The following GALNTL6 variants were observed in gnomAD, a reference collection of about 807,000 sequenced individuals.
The protein encoded by GALNTL6 is polypeptide N-acetylgalactosaminyltransferase like 6, also known as polypeptide N-acetylgalactosaminyltransferase-like 6.
In GALNTL6, 46 loss-of-function variants were observed where a neutral mutation model predicts 73.7. The ratio of observed to expected loss-of-function variants is 0.62; its 90% CI spans 0.49 to 0.80. GALNTL6 has a LOEUF of 0.80. GALNTL6 is among the 30% of genes least tolerant of loss of function. GALNTL6 has a pLI of 0.00. For missense variants in GALNTL6, 604 were observed against 755.0 expected (o/e 0.80, Z 2.34); for synonymous variants, 259 against 263.7 (o/e 0.98, Z 0.17).
chr4:172,872,497 A>T (rs1389750964), intron 7 of GALNTL6, among the ~76,000 whole-genome samples: 1 of 152,232 alleles, frequency 6.6e-6, no homozygotes, highest in East Asian at 1.9e-4. Context: ...ACCTTCTCCT[A>T]AAAATGCAAA....
At chr4:172,805,962 T>C (rs998802885) in intron 5 of GALNTL6, among the ~76,000 whole-genome samples, 3 of 152,092 alleles carry the variant, frequency 2.0e-5, no homozygotes, top group Admixed American at 2.0e-4. Context: ...TGTTCAAAAT[T>C]CTCCATAATA....
At chr4:172,255,129 C>T (rs1313671144) in intron 3 of GALNTL6, among the ~76,000 whole-genome samples, 1 of 151,494 alleles carries the variant, frequency 6.6e-6, no homozygotes, top group African/African-American at 2.4e-5. Flanking sequence ...TCATTTTTCC[C>T]AGACAGTTGG....
chr4:172,018,328 G>A (rs927662996), intron 2 of GALNTL6, among the ~76,000 whole-genome samples: 1 of 152,090 alleles, frequency 6.6e-6, no homozygotes, highest in African/African-American at 2.4e-5. Context: ...GAAATATCAG[G>A]TAGGGGCAGG....
intron 5 of GALNTL6, among the ~76,000 whole-genome samples, chr4:172,568,801 G>A (rs1380168400): frequency 6.8e-6 from 1 of 146,860 alleles, no homozygotes; most frequent in African/African-American, 2.5e-5. Context: ...GAACATCTAC[G>A]TCAAGCTTGT....
intron 2 of GALNTL6, among the ~76,000 whole-genome samples, chr4:171,999,743 C>G (rs1158236043): frequency 8.9e-6 from 1 of 112,626 alleles, no homozygotes; most frequent in Non-Finnish European, 1.9e-5. Context: ...ATGACAGATT[C>G]TTACAACTCT....
chr4:172,676,166 T>A (rs1442244082), intron 5 of GALNTL6, among the ~76,000 whole-genome samples: 2 of 152,346 alleles, frequency 1.3e-5, no homozygotes, highest in South Asian at 4.1e-4. Context: ...TACTTAGCCA[T>A]GTAAAGTATT....
At chr4:172,196,006 GTT>G (rs147919669) in intron 2 of GALNTL6, among the ~76,000 whole-genome samples, 4,490 of 127,188 alleles carry the variant, frequency 0.035, 113 homozygotes, top group African/African-American at 0.069. Flanking sequence ...CAGGAGCTGG[GTT>G]TTTTTTTTTT....
At chr4:172,852,582 G>C (rs879575182) in intron 7 of GALNTL6, among the ~76,000 whole-genome samples, 4 of 152,158 alleles carry the variant, frequency 2.6e-5, no homozygotes, top group Admixed American at 2.6e-4. Flanking sequence ...AGTTTACCTA[G>C]AGTATATGTT....
chr4:172,569,016 A>G (rs2110944409), intron 5 of GALNTL6, among the ~76,000 whole-genome samples: 1 of 152,082 alleles, frequency 6.6e-6, no homozygotes, highest in East Asian at 1.9e-4. Context: ...AAAAAATTGG[A>G]CGCTCTTCAT....
At chr4:172,456,358 A>G (rs1732399001) in intron 5 of GALNTL6, among the ~76,000 whole-genome samples, 2 of 152,082 alleles carry the variant, frequency 1.3e-5, no homozygotes, top group Non-Finnish European at 2.9e-5. Flanking sequence ...GAGTTTGATG[A>G]ATTGACAGAA....
intron 12 of GALNTL6, among the ~76,000 whole-genome samples, chr4:173,022,670 T>G (rs1753064538): frequency 6.6e-6 from 1 of 152,222 alleles, no homozygotes; most frequent in Non-Finnish European, 1.5e-5. Flanking sequence ...ATTTACATTT[T>G]CACCAAAATC....
At position 172,813,526 on chromosome 4, in the gene GALNTL6, C is replaced by T. The variant is rs1213696102; in HGVS notation, c.740-14C>T. 1 of 1,581,936 alleles carries T rather than the reference C, an allele frequency of 6.3e-7. No individual in the cohort carries two copies. The highest frequency in any genetic ancestry group is 1.3e-5 in the African/African-American group (1 of 74,508). ...CAGGCATGTCATTTCCTATTTTGTG[C>T]TTTCATTTTTCAGACCAAATTGCAC... is the stretch of plus-strand genomic sequence containing the variant. On this transcript the variant is annotated splice_polypyrimidine_tract_variant and intron_variant, in intron 6 of 12. Transcript: ENST00000506823.
chr4:172,593,708 T>C (rs1402193541), intron 5 of GALNTL6, among the ~76,000 whole-genome samples: 1 of 151,326 alleles, frequency 6.6e-6, no homozygotes, highest in African/African-American at 2.4e-5. Context: ...TTTGTTGTGG[T>C]GGTGGGTTTT....
intron 2 of GALNTL6, among the ~76,000 whole-genome samples, chr4:172,072,783 A>G (rs1276958038): frequency 6.6e-6 from 1 of 152,222 alleles, no homozygotes; most frequent in East Asian, 1.9e-4. Context: ...CCAAGCCTGC[A>G]TAATTTCCTG....
intron 2 of GALNTL6, among the ~76,000 whole-genome samples, chr4:172,072,250 T>G (rs1208209812): frequency 6.6e-6 from 1 of 152,130 alleles, no homozygotes; most frequent in Non-Finnish European, 1.5e-5. Context: ...ATTTTTTTTT[T>G]CTTTTAACCA....
At chr4:172,618,242 T>C (rs1048268018) in intron 5 of GALNTL6, among the ~76,000 whole-genome samples, 2 of 152,132 alleles carry the variant, frequency 1.3e-5, no homozygotes, top group Admixed American at 6.5e-5. Context: ...ACTGGTCATA[T>C]GGAGCTGAAA....
At chr4:171,912,188 A>G (rs1266158817) in intron 2 of GALNTL6, among the ~76,000 whole-genome samples, 1 of 152,182 alleles carries the variant, frequency 6.6e-6, no homozygotes. Flanking sequence ...GCTAAAGTAG[A>G]TCCTTTATAT....
chr4:172,926,134 C>T (rs560922109), intron 8 of GALNTL6, among the ~76,000 whole-genome samples: 1 of 152,060 alleles, frequency 6.6e-6, no homozygotes. Flanking sequence ...CTGGAGAGGG[C>T]CCTCTACCAG....
intron 2 of GALNTL6, among the ~76,000 whole-genome samples, chr4:171,896,477 T>C (rs1736920356): frequency 6.6e-6 from 1 of 152,220 alleles, no homozygotes; most frequent in African/African-American, 2.4e-5. Context: ...TGTAACTAGA[T>C]GGCTTATAAA....
Sources: gnomAD v4.1 joint callset for allele counts (sites outside exome capture counted in the v4.1 genomes callset) on GRCh38, gnomAD v4.1.1 for gene constraint, MANE v1.5 for transcripts, NCBI Gene and HGNC (gene_info 2026-07-23, HGNC 2026-07-21) for gene names.